PDLIM5: variants seen among roughly 807,000 people sequenced by gnomAD.
The protein encoded by PDLIM5 is PDZ and LIM domain 5, also known as PDZ and LIM domain protein 5.
Under a neutral mutation model 64.2 loss-of-function variants are expected in PDLIM5, and 34 were observed. That is an observed-to-expected ratio of 0.53 (90% CI 0.40 to 0.71). PDLIM5 has a LOEUF of 0.71. Among genes scored for constraint, PDLIM5 ranks in the 30% least tolerant of loss-of-function variants. PDLIM5 has a pLI of 0.00. For missense variants in PDLIM5, 683 were observed against 733.6 expected (o/e 0.93, Z 0.80); for synonymous variants, 253 against 269.1 (o/e 0.94, Z 0.59).
At chr4:94,627,963 T>G (rs1469622557) in intron 8 of PDLIM5, among the ~76,000 whole-genome samples, 1 of 152,230 alleles carries the variant, frequency 6.6e-6, no homozygotes, top group East Asian at 1.9e-4. Context: ...AATTCTTACA[T>G]CTAAAACGTT....
chr4:94,662,432 C>T lies in PDLIM5; in HGVS notation c.1596C>T (p.Ala532=), dbSNP rs1742807106. 1.3e-6 allele frequency: 2 copies of T among 1,503,576 alleles called. No individual in the cohort carries two copies. The highest frequency in any genetic ancestry group is 1.9e-6 in the Non-Finnish European group (2 of 1,079,458). The allele number at this position is 1,503,576 out of a possible 1,614,324, so 93.1% of individuals were successfully genotyped here. A position where few individuals can be genotyped will look rare whatever the true frequency, so the allele number is the denominator to read the frequency against. ...CCTCCCTTAATACAGATTATTATGC[C>T]CTCTTTGGTACTATATGCCATGGAT... ...GEPYCETDYY[A]LFGTICHGCE... Residue 532 remains alanine (A), a synonymous_variant, in exon 12 of 13, where the codon GCC becomes GCT. Transcript: ENST00000317968.
chr4:94,518,004 G>A (rs1338733178), intron 2 of PDLIM5, among the ~76,000 whole-genome samples: 1 of 152,096 alleles, frequency 6.6e-6, no homozygotes, highest in African/African-American at 2.4e-5. Context: ...CCAAGGAAAC[G>A]CAAATAGAGG....
chr4:94,471,148 T>G (rs984446150), intron 2 of PDLIM5, among the ~76,000 whole-genome samples: 2 of 152,196 alleles, frequency 1.3e-5, no homozygotes, highest in African/African-American at 4.8e-5. Flanking sequence ...ATTTGAGATT[T>G]GGGTGGGAAC....
intron 7 of PDLIM5, among the ~76,000 whole-genome samples, chr4:94,592,936 A>C (rs939862051): frequency 6.6e-6 from 1 of 151,892 alleles, no homozygotes; most frequent in Admixed American, 6.6e-5. Context: ...CCTTCCCACA[A>C]TCATACATTC....
intron 3 of PDLIM5, among the ~76,000 whole-genome samples, chr4:94,560,370 T>C (rs981186358): frequency 6.6e-6 from 1 of 152,194 alleles, no homozygotes; most frequent in African/African-American, 2.4e-5. Context: ...TTATATATTA[T>C]GGATAATTTG....
At chr4:94,597,521 C>T (rs1484624411) in intron 7 of PDLIM5, among the ~76,000 whole-genome samples, 3 of 152,042 alleles carry the variant, frequency 2.0e-5, no homozygotes, top group African/African-American at 4.8e-5. Context: ...CTAATAAATG[C>T]TCTGTGTTGA....
At chr4:94,606,876 A>T (rs1737969578) in intron 7 of PDLIM5, among the ~76,000 whole-genome samples, 1 of 152,246 alleles carries the variant, frequency 6.6e-6, no homozygotes, top group Admixed American at 6.5e-5. Context: ...AACCTTATTT[A>T]TGGATGCTGA....
In PDLIM5 at chr4:94,470,754, A is replaced by C. The variant is rs200298614; in HGVS notation, c.96+15370A>C. Among the ~76,000 whole-genome samples, 5 of 152,352 alleles carry C rather than the reference A, an allele frequency of 3.3e-5. No individual in the cohort carries two copies. The East Asian group carries it at 9.6e-4, about 29-fold the overall frequency. On this transcript the variant is annotated intron_variant, in intron 2 of 12. Transcript: ENST00000317968. ...TATCATATAGCTCTAGGTCCTCAGT[A>C]GTAGATAATAATGTCTACATTATGA...
chr4:94,492,638 T>C (rs1265246573), intron 2 of PDLIM5, among the ~76,000 whole-genome samples: 1 of 152,344 alleles, frequency 6.6e-6, no homozygotes, highest in Non-Finnish European at 1.5e-5. Context: ...ATATGTGTCC[T>C]TTTATGTCTG....
chr4:94,554,650 T>C (rs886877271), intron 3 of PDLIM5, among the ~76,000 whole-genome samples: 2 of 152,208 alleles, frequency 1.3e-5, no homozygotes, highest in Non-Finnish European at 2.9e-5. Flanking sequence ...CAAATGCATA[T>C]GATATAAGAG....
intron 5 of PDLIM5, among the ~76,000 whole-genome samples, chr4:94,576,272 G>A (rs1248507890): frequency 7.7e-6 from 1 of 130,594 alleles, no homozygotes; most frequent in Non-Finnish European, 1.7e-5. Context: ...TAACATCTCT[G>A]TAACTCATTT....
At position 94,573,620 on chromosome 4, in the gene PDLIM5, A is replaced by G. The variant is rs1357469021; in HGVS notation, c.291+227A>G. The G allele has an allele frequency of 7.7e-6, 4 of 521,894 alleles. No individual in the cohort carries two copies. In the Admixed American group the frequency reaches 9.7e-5, roughly 13 times the overall value. The allele number at this position is 521,894 out of a possible 1,614,324, so 32.3% of individuals were successfully genotyped here. On this transcript the variant is annotated intron_variant, in intron 4 of 12. Transcript: ENST00000317968. ...ATTATTTCCAAAGCCATATGTTACA[A>G]TAACTTATGTCAGATTTCTTACATT...
chr4:94,512,103 G>A (rs1388801077), intron 2 of PDLIM5, among the ~76,000 whole-genome samples: 1 of 151,208 alleles, frequency 6.6e-6, no homozygotes, highest in Non-Finnish European at 1.5e-5. Context: ...TCACTGCAAC[G>A]TCCACCTCCC....
chr4:94,595,202 G>T (rs778769017), intron 7 of PDLIM5, among the ~76,000 whole-genome samples: 2 of 152,162 alleles, frequency 1.3e-5, no homozygotes, highest in African/African-American at 2.4e-5. Context: ...CCCTCAACAC[G>T]TGGGGATTAC....
intron 2 of PDLIM5, chr4:94,456,137 G>A: frequency 1.8e-6 from 1 of 545,984 alleles, no homozygotes; most frequent in Non-Finnish European, 2.9e-6. Context: ...TAAAAGGTTT[G>A]TTTTTGCATA....
At chr4:94,539,939 T>C (rs1286152448) in intron 3 of PDLIM5, among the ~76,000 whole-genome samples, 1 of 152,106 alleles carries the variant, frequency 6.6e-6, no homozygotes, top group African/African-American at 2.4e-5. Context: ...GAGTAAAATT[T>C]TGAATTTCAT....
rs928193650 is a variant in PDLIM5, at chr4:94,456,696, A to T, written c.96+1312A>T. On this transcript the variant is annotated intron_variant, in intron 2 of 12. Transcript: ENST00000317968. ...CTGTTACAGTGGTACAGTGAATACC[A>T]AATATAAGTACATACATATATATGT... The T allele has an allele frequency of 6.7e-6, 9 of 1,339,284 alleles. No individual in the cohort carries two copies. In the Admixed American group the frequency reaches 1.0e-4, roughly 15 times the overall value. 83.0% of individuals were successfully genotyped at this position (1,339,284 alleles called of 1,614,324 possible).
chr4:94,498,696 C>T (rs1042335915), intron 2 of PDLIM5, among the ~76,000 whole-genome samples: 2 of 152,208 alleles, frequency 1.3e-5, no homozygotes, highest in Non-Finnish European at 2.9e-5. Flanking sequence ...TGTGCATCCA[C>T]TGTAAGATGA....
intron 2 of PDLIM5, among the ~76,000 whole-genome samples, chr4:94,498,380 T>C (rs1336879924): frequency 6.6e-6 from 1 of 152,190 alleles, no homozygotes; most frequent in Admixed American, 6.6e-5. Flanking sequence ...CTTTCACACA[T>C]ATGGGTCTTC....
Sources: gnomAD v4.1 joint callset for allele counts (sites outside exome capture counted in the v4.1 genomes callset) on GRCh38, gnomAD v4.1.1 for gene constraint, MANE v1.5 for transcripts, NCBI Gene and HGNC (gene_info 2026-07-23, HGNC 2026-07-21) for gene names.